The following HEMK2 variants were observed in gnomAD, a reference collection of about 807,000 sequenced individuals.
The protein encoded by HEMK2 is HemK methyltransferase 2, ETF1 glutamine and histone H4 lysine.
the HEMK2 span, among the ~76,000 whole-genome samples, chr21:28,639,230 G>C: frequency 2.6e-5 from 4 of 152,210 alleles, no homozygotes; most frequent in African/African-American, 9.6e-5. Flanking sequence ...GAAATCTCTA[G>C]TTTGACCAAA....
At chr21:28,700,940 C>T in the HEMK2 span, among the ~76,000 whole-genome samples, 1 of 152,076 alleles carries the variant, frequency 6.6e-6, no homozygotes, top group African/African-American at 2.4e-5. Context: ...CATCAGAAAG[C>T]TAACCTACCA....
the HEMK2 span, among the ~76,000 whole-genome samples, chr21:28,713,527 T>C: frequency 6.6e-6 from 1 of 152,258 alleles, no homozygotes; most frequent in Admixed American, 6.5e-5. Context: ...ACTGGGGGCT[T>C]TGCATGTACA....
At chr21:28,676,843 T>G in the HEMK2 span, among the ~76,000 whole-genome samples, 1 of 152,238 alleles carries the variant, frequency 6.6e-6, no homozygotes, top group African/African-American at 2.4e-5. Flanking sequence ...AGGACCCACA[T>G]CTTTAGTGGA....
the HEMK2 span, among the ~76,000 whole-genome samples, chr21:28,878,614 GTTT>G: frequency 6.6e-6 from 1 of 151,856 alleles, no homozygotes; most frequent in Non-Finnish European, 1.5e-5. Flanking sequence ...GATAAAAAAT[GTTT>G]TTATTAATAA....
the HEMK2 span, among the ~76,000 whole-genome samples, chr21:28,722,530 A>G: frequency 6.6e-6 from 1 of 152,244 alleles, no homozygotes; most frequent in Non-Finnish European, 1.5e-5. Context: ...TAATGATTAT[A>G]TTCACTTATT....
chr21:28,790,154 A>G, the HEMK2 span, among the ~76,000 whole-genome samples: 1 of 152,214 alleles, frequency 6.6e-6, no homozygotes, highest in Non-Finnish European at 1.5e-5. Flanking sequence ...AATTTGAAGC[A>G]ATGAACTACA....
the HEMK2 span, among the ~76,000 whole-genome samples, chr21:28,575,802 G>T: frequency 6.6e-6 from 1 of 152,098 alleles, no homozygotes; most frequent in Non-Finnish European, 1.5e-5. Context: ...AAAGGTGGTT[G>T]CCTCTGTTTT....
the HEMK2 span, among the ~76,000 whole-genome samples, chr21:28,617,634 C>T: frequency 6.6e-6 from 1 of 152,164 alleles, no homozygotes; most frequent in South Asian, 2.1e-4. Context: ...ATTCTTCCTA[C>T]CTTAGCAGCT....
At chr21:28,852,741 T>C in the HEMK2 span, among the ~76,000 whole-genome samples, 3 of 152,212 alleles carry the variant, frequency 2.0e-5, no homozygotes, top group East Asian at 5.8e-4. Flanking sequence ...GTAATTCAGA[T>C]TAGTCTTTTG....
At chr21:28,810,789 G>A in the HEMK2 span, among the ~76,000 whole-genome samples, 12 of 151,966 alleles carry the variant, frequency 7.9e-5, no homozygotes, top group Non-Finnish European at 1.0e-4. Context: ...CTTCAGAGGC[G>A]CAGTTCAGTC....
At chr21:28,785,384 T>C in the HEMK2 span, among the ~76,000 whole-genome samples, 1 of 152,216 alleles carries the variant, frequency 6.6e-6, no homozygotes, top group African/African-American at 2.4e-5. Flanking sequence ...GCAATATGTA[T>C]CAAACTTTAA....
At chr21:28,879,667 A>G in the HEMK2 span, among the ~76,000 whole-genome samples, 1 of 152,252 alleles carries the variant, frequency 6.6e-6, no homozygotes, top group Non-Finnish European at 1.5e-5. Flanking sequence ...TTTTAGGGAT[A>G]GATATGTGTC....
chr21:28,716,144 A>C, the HEMK2 span, among the ~76,000 whole-genome samples: 1 of 151,992 alleles, frequency 6.6e-6, no homozygotes, highest in African/African-American at 2.4e-5. Context: ...GTTCCATGTG[A>C]ACTTTAGTTT....
the HEMK2 span, among the ~76,000 whole-genome samples, chr21:28,753,357 A>T: frequency 2.4e-5 from 1 of 42,074 alleles, no homozygotes; most frequent in African/African-American, 1.6e-4. Context: ...ACTCTGTCTC[A>T]AAAAAAAAAA....
chr21:28,873,262 T>TA, the HEMK2 span: 9 of 152,250 alleles, frequency 5.9e-5, no homozygotes, highest in African/African-American at 1.7e-4. Context: ...TGGAGCCAGT[T>TA]AAAAAAATTA....
chr21:28,615,713 G>A, the HEMK2 span, among the ~76,000 whole-genome samples: 2 of 152,130 alleles, frequency 1.3e-5, no homozygotes, highest in Non-Finnish European at 2.9e-5. Flanking sequence ...GAAATCACTA[G>A]AACTACAGTC....
chr21:28,639,095 T>C, the HEMK2 span, among the ~76,000 whole-genome samples: 12 of 152,184 alleles, frequency 7.9e-5, no homozygotes, highest in African/African-American at 2.9e-4. Flanking sequence ...TACTGTAGCC[T>C]AAAAATGAGA....
the HEMK2 span, among the ~76,000 whole-genome samples, chr21:28,788,061 T>C: frequency 6.6e-6 from 1 of 151,632 alleles, no homozygotes; most frequent in Admixed American, 6.6e-5. Context: ...CAAAATAGCG[T>C]GGCACTGGTA....
At chr21:28,665,976 CTT>C in the HEMK2 span, among the ~76,000 whole-genome samples, 4 of 152,120 alleles carry the variant, frequency 2.6e-5, no homozygotes, top group South Asian at 6.2e-4. Flanking sequence ...ATAAAATAAA[CTT>C]ATAAATCTGA....
Sources: gnomAD v4.1 joint callset for allele counts (sites outside exome capture counted in the v4.1 genomes callset) on GRCh38, gnomAD v4.1.1 for gene constraint, MANE v1.5 for transcripts, NCBI Gene and HGNC (gene_info 2026-07-23, HGNC 2026-07-21) for gene names.